CCDC126: variants seen among roughly 807,000 people sequenced by gnomAD.
CCDC126 encodes coiled-coil domain-containing protein 126.
In CCDC126, 5 loss-of-function variants were observed where a neutral mutation model predicts 11.7. The ratio of observed to expected loss-of-function variants is 0.43; its 90% confidence interval spans 0.22 to 0.90. The LOEUF is 0.90. Ranked by LOEUF, CCDC126 falls within the 40% of genes least tolerant of loss-of-function variation. CCDC126 has a pLI of 0.27. For missense variants in CCDC126, 150 were observed against 163.1 expected (o/e 0.92, Z 0.44); for synonymous variants, 60 against 61.9 (o/e 0.97, Z 0.14).
At chr7:23,625,002 C>G (rs1161788263) in intron 3 of CCDC126, among the ~76,000 whole-genome samples, 1 of 152,124 alleles carries the variant, frequency 6.6e-6, no homozygotes, top group Non-Finnish European at 1.5e-5. Flanking sequence ...TCCACCCTGC[C>G]GGGCTAATTT....
intron 3 of CCDC126, among the ~76,000 whole-genome samples, 176 bp from the exon 4 acceptor site, chr7:23,642,755 T>C (rs904042261): frequency 6.7e-6 from 1 of 148,268 alleles, no homozygotes; most frequent in South Asian, 2.2e-4. Flanking sequence ...AGAGGGAAAC[T>C]CCATCTCAAA....
intron 3 of CCDC126, among the ~76,000 whole-genome samples, chr7:23,634,710 T>C (rs999180071): frequency 3.3e-5 from 5 of 152,176 alleles, no homozygotes; most frequent in Admixed American, 6.5e-5. Context: ...ATTTGGAAAG[T>C]AGGAGGAAGG....
chr7:23,614,594 C>G (rs1172283564), intron 3 of CCDC126, among the ~76,000 whole-genome samples: 2 of 152,252 alleles, frequency 1.3e-5, no homozygotes, highest in East Asian at 3.9e-4. Context: ...TTTACTTTGT[C>G]TAGACCCATC....
At chr7:23,623,960 A>G (rs1321413075) in intron 3 of CCDC126, among the ~76,000 whole-genome samples, 1 of 152,170 alleles carries the variant, frequency 6.6e-6, no homozygotes, top group Non-Finnish European at 1.5e-5. Flanking sequence ...TAGTCCTTCT[A>G]GGTTTTTAGT....
chr7:23,614,454 A>G (rs921331404), intron 3 of CCDC126, among the ~76,000 whole-genome samples: 3 of 152,294 alleles, frequency 2.0e-5, no homozygotes, highest in East Asian at 1.9e-4. Flanking sequence ...AAAGTCATCC[A>G]TGAGGGTTGG....
rs1455454365 is a variant in CCDC126 at position 23,643,929 on chromosome 7, T to A, written c.*814T>A. 1 of 152,140 alleles carries A rather than the reference T, an allele frequency of 6.6e-6. No homozygotes were observed. Among genetic ancestry groups the A allele is most frequent in the African/African-American group, 2.4e-5 (1 of 41,464 alleles). The allele number at this position is 152,140 out of a possible 1,614,324, so 9.4% of individuals were successfully genotyped here. Reference sequence around the variant, plus strand: ...CATGAATGTTCATTTAAAAGTTTAATCCTTTGAGTGTCTATGCTATCAGGA... The same window carrying A: ...CATGAATGTTCATTTAAAAGTTTAAACCTTTGAGTGTCTATGCTATCAGGA... On this transcript the variant is annotated 3_prime_UTR_variant, in exon 4 of 4. Transcript: ENST00000307471.
intron 3 of CCDC126, among the ~76,000 whole-genome samples, chr7:23,630,665 G>A (rs964224300): frequency 7.7e-6 from 1 of 130,362 alleles, no homozygotes; most frequent in Non-Finnish European, 1.5e-5. Flanking sequence ...GCTGCAATGA[G>A]CCATGAGCAT....
intron 2 of CCDC126, among the ~76,000 whole-genome samples, chr7:23,600,189 GT>G (rs1354325967): frequency 6.6e-6 from 1 of 152,056 alleles, no homozygotes. Flanking sequence ...TCTTTTATCT[GT>G]TTTTGTAATA....
intron 3 of CCDC126, among the ~76,000 whole-genome samples, chr7:23,624,160 GT>G (rs1160723459): frequency 6.6e-6 from 1 of 152,148 alleles, no homozygotes; most frequent in Non-Finnish European, 1.5e-5. Flanking sequence ...CTCCTTTCTT[GT>G]TTGTTATCTT....
intron 3 of CCDC126, among the ~76,000 whole-genome samples, chr7:23,627,571 A>G (rs1783036995): frequency 6.8e-6 from 1 of 147,682 alleles, no homozygotes; most frequent in African/African-American, 2.5e-5. Context: ...CTGTCTCAGA[A>G]AAAAAAAAAA....
In CCDC126 at chr7:23,629,764, TA is replaced by T. The variant is rs1584212255; in HGVS notation, c.239-13166del. On this transcript the variant is annotated intron_variant, in intron 3 of 3. Transcript: ENST00000307471. ...AAACTGGAAGATAGAACAATGTAATTACACAATCCAAATAACAGGGAGAAAA... is the reference window on the plus strand; with the variant it reads ...AAACTGGAAGATAGAACAATGTAATTCACAATCCAAATAACAGGGAGAAAA... Among the ~76,000 whole-genome samples the T allele has an allele frequency of 2.6e-5, 4 of 152,138 alleles. No individual in the cohort carries two copies. The East Asian group carries it at 7.7e-4, about 29-fold the overall frequency.
intron 3 of CCDC126, among the ~76,000 whole-genome samples, chr7:23,614,263 A>G (rs920783907): frequency 6.6e-6 from 1 of 152,204 alleles, no homozygotes; most frequent in Non-Finnish European, 1.5e-5. Flanking sequence ...TGTCATTTCA[A>G]CAGTGTCCAC....
intron 2 of CCDC126, among the ~76,000 whole-genome samples, chr7:23,610,455 A>G (rs1191535928): frequency 2.0e-5 from 3 of 151,822 alleles, no homozygotes; most frequent in Non-Finnish European, 2.9e-5. Flanking sequence ...CTCTAGGGAT[A>G]CTCCCACCTT....
chr7:23,638,695 C>A (rs2128022624), intron 3 of CCDC126, among the ~76,000 whole-genome samples: 1 of 87,846 alleles, frequency 1.1e-5, no homozygotes, highest in Non-Finnish European at 2.1e-5. Context: ...CTGCGAGAAA[C>A]ACCCAAGAAT....
intron 3 of CCDC126, among the ~76,000 whole-genome samples, chr7:23,626,757 A>G (rs1783022832): frequency 1.3e-5 from 2 of 152,100 alleles, no homozygotes; most frequent in Admixed American, 1.3e-4. Context: ...AACGTGCAGT[A>G]TTTGGTTTTC....
At chr7:23,634,733 T>TC (rs1783177274) in intron 3 of CCDC126, among the ~76,000 whole-genome samples, 1 of 152,152 alleles carries the variant, frequency 6.6e-6, no homozygotes, top group South Asian at 2.1e-4. Flanking sequence ...AGGTATTTTT[T>TC]CCCCTCCGTC....
chr7:23,621,968 C>T (rs1299554247), intron 3 of CCDC126, among the ~76,000 whole-genome samples: 1 of 152,154 alleles, frequency 6.6e-6, no homozygotes, highest in Non-Finnish European at 1.5e-5. Flanking sequence ...TGGTGTGCTG[C>T]TGGATTCGGT....
intron 3 of CCDC126, among the ~76,000 whole-genome samples, chr7:23,632,537 A>T (rs540566328): frequency 6.6e-6 from 1 of 152,366 alleles, no homozygotes; most frequent in African/African-American, 2.4e-5. Context: ...CCTAGTGGTG[A>T]TAGAAATATT....
At chr7:23,622,563 C>A (rs762511413) in intron 3 of CCDC126, 21 of 535,878 alleles carry the variant, frequency 3.9e-5, no homozygotes, top group Non-Finnish European at 6.9e-5. Context: ...CCTTGTGTAA[C>A]TGATTGTGTA....
Sources: gnomAD v4.1 joint callset for allele counts (sites outside exome capture counted in the v4.1 genomes callset) on GRCh38, gnomAD v4.1.1 for gene constraint, MANE v1.5 for transcripts, NCBI Gene and HGNC (gene_info 2026-07-23, HGNC 2026-07-21) for gene names.